Variants in HEATR4 observed in about 807,000 individuals in gnomAD.
HEATR4 encodes the protein HEAT repeat containing 4.
A neutral mutation model predicts 108.8 loss-of-function variants in HEATR4; 95 were observed. The ratio of observed to expected loss-of-function variants is 0.87; its 90% CI spans 0.74 to 1.04. The LOEUF (loss-of-function observed/expected upper bound fraction) is 1.04. Among genes scored for constraint, HEATR4 ranks in the 50% least tolerant of loss-of-function variants. The probability of loss-of-function intolerance (pLI) is 0.00; values close to 1 mark genes in which losing one functional copy is unlikely to be tolerated. For synonymous variants in HEATR4, 443 were observed against 459.4 expected (o/e 0.96, Z 0.46); for missense variants, 1,152 against 1,253.8 (o/e 0.92, Z 1.23).
chr14:73,617,717 G>A, the HEATR4 span, among the ~76,000 whole-genome samples: 65 of 152,164 alleles, frequency 4.3e-4, no homozygotes, highest in Non-Finnish European at 7.5e-4. Flanking sequence ...GATATTTTTT[G>A]AGACAACTGG....
At chr14:73,559,470 C>T (rs1411082185), upstream of HEATR4, among the ~76,000 whole-genome samples, 1 of 151,920 alleles carries the variant, frequency 6.6e-6, no homozygotes. Flanking sequence ...ATGGCTCACG[C>T]CTGCAATTTC....
At chr14:73,497,703 C>T (rs541325539) in intron 14 of HEATR4, among the ~76,000 whole-genome samples, 18 of 152,144 alleles carry the variant, frequency 1.2e-4, no homozygotes, top group South Asian at 4.1e-4. Flanking sequence ...CTCGGCTCAC[C>T]GCAACCTCCA....
the HEATR4 span, among the ~76,000 whole-genome samples, chr14:73,601,090 G>A: frequency 6.6e-6 from 1 of 152,024 alleles, no homozygotes; most frequent in East Asian, 1.9e-4. Flanking sequence ...GCAGTAAGCC[G>A]AGATTGTACC....
chr14:73,598,217 C>CAAAAA, the HEATR4 span, among the ~76,000 whole-genome samples: 98 of 54,894 alleles, frequency 1.8e-3, 5 homozygotes, highest in African/African-American at 5.7e-3. Flanking sequence ...ACTAAAAATA[C>CAAAAA]AAAAAAAAAA....
chr14:73,501,992 G>A (rs947349399), intron 11 of HEATR4, among the ~76,000 whole-genome samples: 1 of 151,024 alleles, frequency 6.6e-6, no homozygotes, highest in Non-Finnish European at 1.5e-5. Flanking sequence ...TGATCCACCC[G>A]CCTCGGCCTC....
chr14:73,592,874 A>G, the HEATR4 span, among the ~76,000 whole-genome samples: 1 of 152,230 alleles, frequency 6.6e-6, no homozygotes, highest in South Asian at 2.1e-4. Context: ...AAAGAAAAAA[A>G]AGGATTTTTT....
At chr14:73,595,576 A>G in the HEATR4 span, 1 of 1,580,698 alleles carries the variant, frequency 6.3e-7, no homozygotes, top group African/African-American at 1.4e-5. Context: ...AGGCCCAGGA[A>G]GATGCCTGGA....
At chr14:73,587,945 T>C in the HEATR4 span, among the ~76,000 whole-genome samples, 1 of 152,162 alleles carries the variant, frequency 6.6e-6, no homozygotes, top group African/African-American at 2.4e-5. Flanking sequence ...ACTTCCAAAT[T>C]CCTTAATTTG....
chr14:73,614,465 C>T, the HEATR4 span, among the ~76,000 whole-genome samples: 3 of 152,142 alleles, frequency 2.0e-5, no homozygotes, highest in East Asian at 1.9e-4. Context: ...CTGGGCCAGG[C>T]GCAGTGGCTC....
At chr14:73,581,033 A>C in the HEATR4 span, 1 of 152,044 alleles carries the variant, frequency 6.6e-6, no homozygotes, top group Non-Finnish European at 1.5e-5. Context: ...GTGCCAACCC[A>C]ACATAGTGTT....
At chr14:73,568,252 G>A in the HEATR4 span, 1 of 152,096 alleles carries the variant, frequency 6.6e-6, no homozygotes, top group South Asian at 2.1e-4. Flanking sequence ...CAGGTTTTGT[G>A]GGTTTGAAGC....
At chr14:73,593,906 T>G in the HEATR4 span, 2 of 1,609,182 alleles carry the variant, frequency 1.2e-6, no homozygotes, top group Non-Finnish European at 1.7e-6. Flanking sequence ...CATCCCCAGG[T>G]TCTCCTCATG....
intron 1 of HEATR4, among the ~76,000 whole-genome samples, chr14:73,540,195 CAA>C (rs1889028488): frequency 6.7e-6 from 1 of 148,858 alleles, no homozygotes; most frequent in Admixed American, 6.8e-5. Context: ...TCTTAACTTA[CAA>C]AGTTAAATAT....
At chr14:73,583,099 T>G in the HEATR4 span, among the ~76,000 whole-genome samples, 308 of 152,072 alleles carry the variant, frequency 2.0e-3, 1 homozygote, top group African/African-American at 7.3e-3. Flanking sequence ...ATCCCAGCAC[T>G]TTGGGAGGCC....
Position 73,519,004 on chromosome 14 carries a change from C to T in HEATR4, c.1210+19G>A. On this transcript the variant is annotated intron_variant, in intron 5 of 17. Coordinates refer to ENST00000553558, the MANE Select transcript of HEATR4 (RefSeq NM_001220484.1). ...TTCCCGTTATTAACCCCTGCCTTCC[C>T]TGTTAGCTTCCTGCTTACATGCTTC... 6.2e-7 allele frequency: 1 copy of T among 1,604,846 alleles called. No individual in the cohort carries two copies. The highest frequency in any genetic ancestry group is 8.5e-7 in the Non-Finnish European group (1 of 1,174,780).
the HEATR4 span, chr14:73,569,975 C>T: frequency 6.8e-7 from 1 of 1,460,374 alleles, no homozygotes; most frequent in Non-Finnish European, 9.0e-7. Flanking sequence ...TGTATGCCCC[C>T]CCGCCGCGCC....
chr14:73,576,922 C>A, the HEATR4 span, among the ~76,000 whole-genome samples: 8 of 108,438 alleles, frequency 7.4e-5, no homozygotes, highest in African/African-American at 2.4e-4. Context: ...ATTTATTATT[C>A]TTTTCTTTTC....
chr14:73,501,577 T>TC (rs1314010595), intron 11 of HEATR4, among the ~76,000 whole-genome samples: 1 of 146,380 alleles, frequency 6.8e-6, no homozygotes, highest in East Asian at 2.0e-4. Flanking sequence ...CTCTTTTTTT[T>TC]TTTTTTTTTT....
At chr14:73,610,699 TG>T in the HEATR4 span, among the ~76,000 whole-genome samples, 1 of 152,196 alleles carries the variant, frequency 6.6e-6, no homozygotes, top group African/African-American at 2.4e-5. Flanking sequence ...GGGTTGGGGA[TG>T]GACTGCAGGG....
Sources: allele counts gnomAD v4.1 joint callset (sites outside exome capture counted in the v4.1 genomes callset), GRCh38; gene constraint gnomAD v4.1.1; transcripts MANE v1.5; gene names NCBI Gene and HGNC (gene_info 2026-07-23, HGNC 2026-07-21).